Variants in COL4A6 observed in about 807,000 individuals in gnomAD.
COL4A6 encodes collagen type IV alpha 6 chain, also known as collagen alpha-6(IV) chain.
Under a neutral mutation model 126.7 loss-of-function variants are expected in COL4A6, and 59 were observed. The ratio of observed to expected loss-of-function variants is 0.47; its 90% CI spans 0.38 to 0.58. The LOEUF is 0.58. COL4A6 is among the 20% of genes least tolerant of loss of function. The pLI is 0.00. For missense variants in COL4A6, 1,285 were observed against 1,337.3 expected (o/e 0.96, Z 0.61); for synonymous variants, 547 against 496.6 (o/e 1.10, Z -1.35).
intron 2 of COL4A6, among the ~76,000 whole-genome samples, chrX:108,332,465 C>T (rs1380712856): frequency 8.9e-6 from 1 of 111,800 alleles, no homozygotes; most frequent in Non-Finnish European, 1.9e-5. Flanking sequence ...ATTTACATTC[C>T]CACCAACAGA....
At chrX:108,391,872 G>A (rs907895448) in intron 2 of COL4A6, among the ~76,000 whole-genome samples, 3 of 112,205 alleles carry the variant, frequency 2.7e-5, no homozygotes, top group Non-Finnish European at 5.6e-5. Flanking sequence ...GAGATGAACC[G>A]GGTACCTCAG....
chrX:108,286,405 T>A (rs1197023985), intron 3 of COL4A6, among the ~76,000 whole-genome samples: 2 of 111,975 alleles, frequency 1.8e-5, no homozygotes, highest in Non-Finnish European at 3.8e-5. Flanking sequence ...GGCTAGCTGT[T>A]CCCCTATTTC....
chrX:108,277,738 C>A (rs1014787964), intron 3 of COL4A6, among the ~76,000 whole-genome samples: 7 of 111,965 alleles, frequency 6.3e-5, no homozygotes, highest in African/African-American at 2.3e-4. Context: ...TGGAAGGCAC[C>A]CCCCAGCAGG....
intron 23 of COL4A6, chrX:108,183,587 A>G (rs1253295531): frequency 1.5e-5 from 5 of 342,165 alleles, no homozygotes; most frequent in Non-Finnish European, 1.8e-5. Context: ...TCCCAGCCTT[A>G]GACTCCCCAC....
Position 108,164,635 on chromosome X carries a change from C to G in COL4A6, c.4034G>C (p.Gly1345Ala). 8.3e-7 allele frequency: 1 copy of G among 1,211,851 alleles called. No individual in the cohort carries two copies. The highest frequency in any genetic ancestry group is 1.1e-6 in the Non-Finnish European group (1 of 895,464). Residue 1345 changes from glycine (G) to alanine (A), a missense_variant, in exon 40 of 45, where the codon GGA becomes GCA. Transcript: ENST00000334504. Reference protein sequence around the residue: ...PGKVGPPGDPGFPGMKGKAGP... With the variant: ...PGKVGPPGDPAFPGMKGKAGP... ...TGCCTTCCCCTTCATTCCGGGAAAT[C>G]CTGGGTCTCCAGGTGGCCCAACCTT...
At chrX:108,163,693 C>T (rs2034033374) in intron 40 of COL4A6, 1 of 112,398 alleles carries the variant, frequency 8.9e-6, no homozygotes, top group South Asian at 3.7e-4. Context: ...GAGGAAAGGA[C>T]TAACACAGGG....
chrX:108,229,752 T>C (rs1310609534), intron 3 of COL4A6, among the ~76,000 whole-genome samples: 1 of 111,967 alleles, frequency 8.9e-6, no homozygotes. Flanking sequence ...CACTATGACT[T>C]AGGGCACCTC....
At chrX:108,430,042 C>T (rs924491726) in intron 2 of COL4A6, among the ~76,000 whole-genome samples, 1 of 111,850 alleles carries the variant, frequency 8.9e-6, no homozygotes, top group Non-Finnish European at 1.9e-5. Context: ...GCATAGGAAT[C>T]TTACCACCAC....
At chrX:108,402,349 T>C (rs995928121) in intron 2 of COL4A6, among the ~76,000 whole-genome samples, 1 of 111,727 alleles carries the variant, frequency 9.0e-6, no homozygotes, top group African/African-American at 3.2e-5. Flanking sequence ...AGAGCATATA[T>C]AGTTATATCT....
intron 2 of COL4A6, among the ~76,000 whole-genome samples, chrX:108,399,461 CTT>C (rs1332356387): frequency 9.0e-6 from 1 of 111,147 alleles, no homozygotes; most frequent in Non-Finnish European, 1.9e-5. Context: ...AACAGCAACT[CTT>C]TAAATACTAC....
chrX:108,162,949 C>A lies in COL4A6; in HGVS notation c.4159G>T (p.Asp1387Tyr). ...TCCCCAGTGAGGCCAGGGATGCCAT[C>A]GATCCCTGGTAGACCCAAGGGTCCA... ...PPGPLGLPGI[D>Y]GIPGLTGDPG... The change falls in exon 41 of 45, where the codon GAT (aspartate) becomes TAT (tyrosine). Residue 1387 changes from aspartate (D) to tyrosine (Y), a missense_variant. Asp to Tyr is a radical substitution (Grantham distance 160, BLOSUM62 -3). Coordinates refer to ENST00000334504, the MANE Select transcript of COL4A6 (RefSeq NM_033641.4). 1 of 1,201,279 alleles carries A rather than the reference C, an allele frequency of 8.3e-7. No homozygotes were observed. Among genetic ancestry groups the A allele is most frequent in the Non-Finnish European group, 1.1e-6 (1 of 890,464 alleles).
rs45476295 is a variant in COL4A6 at position 108,171,132 on chromosome X, A to G, written c.3278-215T>C. ...TATCCCTTCAGAAGTGGGAGCAATA[A>G]GTGGAAATGTTCAAGAAGGACAGTT... On this transcript the variant is annotated intron_variant, in intron 33 of 44. Coordinates refer to ENST00000334504, the MANE Select transcript of COL4A6 (RefSeq NM_033641.4). 0.039 allele frequency among the ~76,000 whole-genome samples: 4,390 copies of G among 112,426 alleles called. 100 individuals carry two copies. The highest frequency in any genetic ancestry group is 0.093 in the Middle Eastern group (20 of 216).
intron 2 of COL4A6, among the ~76,000 whole-genome samples, chrX:108,315,348 C>T (rs1197686935): frequency 9.0e-6 from 1 of 111,037 alleles, no homozygotes; most frequent in Admixed American, 9.6e-5. Flanking sequence ...TCAAGCCATT[C>T]TCTGCCTCAG....
chrX:108,264,649 T>C (rs1213634096), intron 3 of COL4A6, among the ~76,000 whole-genome samples: 1 of 111,694 alleles, frequency 9.0e-6, no homozygotes, highest in African/African-American at 3.2e-5. Context: ...AGAAAGAACA[T>C]GGTTTTTTTC....
intron 3 of COL4A6, among the ~76,000 whole-genome samples, chrX:108,228,208 G>A (rs2036220485): frequency 8.9e-6 from 1 of 112,170 alleles, no homozygotes; most frequent in African/African-American, 3.2e-5. Flanking sequence ...ATCCTGAATG[G>A]AATTCATCCA....
chrX:108,290,600 A>C (rs972428001), intron 3 of COL4A6, among the ~76,000 whole-genome samples: 4 of 108,139 alleles, frequency 3.7e-5, no homozygotes, highest in Admixed American at 3.1e-4. Context: ...ATTTGGAATT[A>C]TTAATACTTC....
At chrX:108,177,552 T>C (rs140715461) in intron 27 of COL4A6, among the ~76,000 whole-genome samples, 120 of 111,875 alleles carry the variant, frequency 1.1e-3, no homozygotes, top group African/African-American at 3.5e-3. Context: ...GACCCCCTAG[T>C]GCCAAGTACT....
At chrX:108,354,142 CAG>C (rs1228374140) in intron 2 of COL4A6, among the ~76,000 whole-genome samples, 9 of 110,502 alleles carry the variant, frequency 8.1e-5, no homozygotes, top group African/African-American at 3.0e-4. Context: ...GCCTGGGTGA[CAG>C]AGTTAGACTC....
chrX:108,226,750 C>T (rs1392967573), intron 3 of COL4A6, among the ~76,000 whole-genome samples: 1 of 111,243 alleles, frequency 9.0e-6, no homozygotes, highest in Non-Finnish European at 1.9e-5. Flanking sequence ...AAGCCAGAAA[C>T]TCAGGGGTCC....
Sources: allele counts gnomAD v4.1 joint callset (sites outside exome capture counted in the v4.1 genomes callset), GRCh38; gene constraint gnomAD v4.1.1; transcripts MANE v1.5; gene names NCBI Gene and HGNC (gene_info 2026-07-23, HGNC 2026-07-21).